STIM1: variants seen among roughly 807,000 people sequenced by gnomAD.
STIM1 encodes stromal interaction molecule 1.
Under a neutral mutation model 74.7 loss-of-function variants are expected in STIM1, and 25 were observed. The ratio of observed to expected loss-of-function variants is 0.33; its 90% confidence interval spans 0.24 to 0.47. The LOEUF (loss-of-function observed/expected upper bound fraction) is 0.47. Among genes scored for constraint, STIM1 ranks in the 20% least tolerant of loss-of-function variants. STIM1 has a pLI of 1.00. For synonymous variants in STIM1, 328 were observed against 348.8 expected (o/e 0.94, Z 0.66); for missense variants, 728 against 920.8 (o/e 0.79, Z 2.71).
intron 1 of STIM1, among the ~76,000 whole-genome samples, chr11:3,884,526 C>T (rs2091634252): frequency 6.6e-6 from 1 of 152,158 alleles, no homozygotes; most frequent in Non-Finnish European, 1.5e-5. Context: ...GAAACCCATG[C>T]CCCAAGTGGT....
chr11:3,933,733 T>C (rs1254731092), intron 1 of STIM1, among the ~76,000 whole-genome samples: 1 of 152,220 alleles, frequency 6.6e-6, no homozygotes, highest in Non-Finnish European at 1.5e-5. Flanking sequence ...TTGTGTCTAA[T>C]GTGAGGCAAC....
At chr11:3,889,158 G>A (rs1034512263) in intron 1 of STIM1, among the ~76,000 whole-genome samples, 1 of 148,160 alleles carries the variant, frequency 6.7e-6, no homozygotes, top group East Asian at 2.0e-4. Flanking sequence ...CATACTAGAT[G>A]CTGAGGTTTT....
At chr11:3,935,931 G>A (rs1306467573) in intron 1 of STIM1, among the ~76,000 whole-genome samples, 2 of 152,062 alleles carry the variant, frequency 1.3e-5, no homozygotes, top group Admixed American at 1.3e-4. Context: ...AACTTTTTGA[G>A]GTATTTACAA....
chr11:3,944,771 G>T (rs1192679150), intron 1 of STIM1, among the ~76,000 whole-genome samples: 1 of 152,186 alleles, frequency 6.6e-6, no homozygotes, highest in Non-Finnish European at 1.5e-5. Flanking sequence ...GCTCTGCACA[G>T]TAGAGGTGAT....
At chr11:3,957,872 T>A (rs2093235737) in intron 1 of STIM1, among the ~76,000 whole-genome samples, 1 of 151,784 alleles carries the variant, frequency 6.6e-6, no homozygotes, top group Non-Finnish European at 1.5e-5. Context: ...GCCAATGGAT[T>A]AATTTTTTTT....
chr11:3,911,140 C>T lies in STIM1; in HGVS notation c.139+54731C>T, dbSNP rs187866193. ...GAGATAAGGATAGGACTAGGCATAG[C>T]AGCAAGGATGAGACTCCAAAGCATG... On this transcript the variant is annotated intron_variant, in intron 1 of 12. Transcript: ENST00000526596. Among the ~76,000 whole-genome samples, 125 of 152,304 alleles carry T rather than the reference C, an allele frequency of 8.2e-4. 1 individual carries two copies. Among genetic ancestry groups the T allele is most frequent in the Non-Finnish European group, 1.4e-3 (92 of 68,024 alleles).
At chr11:3,980,098 G>T (rs720571) in intron 2 of STIM1, among the ~76,000 whole-genome samples, 37,206 of 151,912 alleles carry the variant, frequency 0.24, 5,658 homozygotes, top group South Asian at 0.45. Flanking sequence ...GTATTGTTTT[G>T]TCTATAACTT....
At position 4,059,332 on chromosome 11, in the gene STIM1, C is replaced by A; in HGVS notation, c.549C>A (p.Asp183Glu). ...CAGGGACTGTGCTGAAGATGACAGA[C>A]CGGAGTCATCGGCAGAAGCTGCAGC... is the stretch of plus-strand genomic sequence containing the variant. ...TMTGTVLKMT[D>E]RSHRQKLQLK... Residue 183 changes from aspartate to glutamate, a missense_variant, in exon 5 of 13, where the codon GAC becomes GAA. By Grantham distance (45) the Asp-to-Glu change is conservative. Around this residue, in one of 5 missense-constraint regions of STIM1, gnomAD observed 132 missense variants for 158.2 expected, o/e 0.83. Coordinates refer to ENST00000526596, the MANE Select transcript of STIM1 (RefSeq NM_001382567.1). 6.2e-7 allele frequency: 1 copy of A among 1,614,096 alleles called. No homozygotes were observed. Among genetic ancestry groups the A allele is most frequent in the Middle Eastern group, 1.6e-4 (1 of 6,062 alleles).
chr11:3,924,759 A>G (rs1398315085), intron 1 of STIM1, among the ~76,000 whole-genome samples: 2 of 152,172 alleles, frequency 1.3e-5, no homozygotes, highest in Non-Finnish European at 2.9e-5. Flanking sequence ...TGAAGCAGCT[A>G]CTTTTTCGTG....
intron 2 of STIM1, among the ~76,000 whole-genome samples, chr11:4,008,828 G>T (rs2093807409): frequency 6.6e-6 from 1 of 152,138 alleles, no homozygotes; most frequent in Admixed American, 6.6e-5. Flanking sequence ...ACTTCACACA[G>T]ACAGTAGCCC....
At chr11:4,007,134 G>A (rs923863561) in intron 2 of STIM1, among the ~76,000 whole-genome samples, 2 of 152,038 alleles carry the variant, frequency 1.3e-5, no homozygotes, top group African/African-American at 4.8e-5. Flanking sequence ...CATTTTTCTG[G>A]GCGCATGGAA....
chr11:4,010,316 G>C (rs116220725), intron 2 of STIM1, among the ~76,000 whole-genome samples: 7,126 of 152,002 alleles, frequency 0.047, 532 homozygotes, highest in African/African-American at 0.16. Context: ...GATTGCAGGT[G>C]TGTGCCATCC....
intron 2 of STIM1, among the ~76,000 whole-genome samples, chr11:4,001,730 A>C (rs554406573): frequency 6.6e-6 from 1 of 151,352 alleles, no homozygotes; most frequent in African/African-American, 2.4e-5. Context: ...AAATTCACAC[A>C]TAACAATATT....
At chr11:3,869,944 A>C (rs1420161271) in intron 1 of STIM1, among the ~76,000 whole-genome samples, 1 of 152,156 alleles carries the variant, frequency 6.6e-6, no homozygotes, top group African/African-American at 2.4e-5. Flanking sequence ...AAGATACACC[A>C]GTGTTTTGAG....
chr11:3,974,208 G>A lies in STIM1; in HGVS notation c.270+6526G>A, dbSNP rs184603827. 606 of 495,654 alleles carry A rather than the reference G, an allele frequency of 1.2e-3. 2 individuals are homozygous for A. The highest frequency in any genetic ancestry group is 2.1e-3 in the Admixed American group (71 of 33,764). The allele number at this position is 495,654 out of a possible 1,614,324, so 30.7% of individuals were successfully genotyped here. A position where few individuals can be genotyped will look rare whatever the true frequency, so the allele number is the denominator to read the frequency against. ...GATGAAGAACTTCTACAGCTGTTGG[G>A]ACTACTTAAGAGACTCTGTCTTAGA... is the stretch of plus-strand genomic sequence containing the variant. On this transcript the variant is annotated intron_variant, in intron 2 of 12. Transcript: ENST00000526596.
intron 1 of STIM1, among the ~76,000 whole-genome samples, chr11:3,909,329 G>A (rs367597281): frequency 5.1e-4 from 77 of 152,246 alleles, no homozygotes; most frequent in Middle Eastern, 6.8e-3. Flanking sequence ...AATAAGGTCT[G>A]GATCCAACTC....
intron 1 of STIM1, among the ~76,000 whole-genome samples, chr11:3,902,806 G>T (rs2092382879): frequency 6.6e-6 from 1 of 152,200 alleles, no homozygotes; most frequent in African/African-American, 2.4e-5. Context: ...TTTCTGGCCA[G>T]CTGAAGGTAG....
chr11:3,989,401 G>C, intron 2 of STIM1: 2 of 754,506 alleles, frequency 2.7e-6, no homozygotes, highest in Middle Eastern at 4.7e-4. Flanking sequence ...CAACCGCGCC[G>C]ATCTCCTCTT....
chr11:3,871,729 A>G (rs1174407524), intron 1 of STIM1, among the ~76,000 whole-genome samples: 1 of 152,170 alleles, frequency 6.6e-6, no homozygotes, highest in Non-Finnish European at 1.5e-5. Context: ...AATCTGGTTT[A>G]ATAAAAAGAC....
Sources: gnomAD v4.1 joint callset for allele counts (sites outside exome capture counted in the v4.1 genomes callset) on GRCh38, gnomAD v4.1.1 for gene constraint, gnomAD v4.1.1 regional missense constraint, MANE v1.5 for transcripts, NCBI Gene and HGNC (gene_info 2026-07-23, HGNC 2026-07-21) for gene names.